The following ZRANB3 variants were observed in gnomAD, a reference collection of about 807,000 sequenced individuals.
The protein encoded by ZRANB3 is zinc finger RANBP2-type containing 3.
ZRANB3 carries 125 observed loss-of-function variants against 133.8 expected under a neutral mutation model. That is an observed-to-expected ratio of 0.93 (90% CI 0.81 to 1.08). The LOEUF (loss-of-function observed/expected upper bound fraction) is 1.08. Ranked by LOEUF, ZRANB3 falls within the 50% of genes least tolerant of loss-of-function variation. The probability of loss-of-function intolerance (pLI) is 0.00; values close to 1 mark genes in which losing one functional copy is unlikely to be tolerated. For synonymous variants in ZRANB3, 387 were observed against 432.7 expected (o/e 0.89, Z 1.31); for missense variants, 1,229 against 1,275.5 (o/e 0.96, Z 0.56).
chr2:135,402,297 T>C (rs965550736), intron 2 of ZRANB3, among the ~76,000 whole-genome samples: 20 of 87,758 alleles, frequency 2.3e-4, no homozygotes, highest in South Asian at 9.3e-4. Flanking sequence ...CTTTCTCTCT[T>C]TTTTTTTTTT....
chr2:135,460,762 T>C (rs1278668312), intron 2 of ZRANB3, among the ~76,000 whole-genome samples: 1 of 152,214 alleles, frequency 6.6e-6, no homozygotes, highest in Middle Eastern at 3.2e-3. Context: ...AAATTATGCT[T>C]CTTGCCCCAA....
Position 135,296,915 on chromosome 2 carries a change from G to T in ZRANB3, c.966+16574C>A, listed in dbSNP as rs570710595. 2.2e-4 allele frequency among the ~76,000 whole-genome samples: 33 copies of T among 152,316 alleles called. No homozygotes were observed. In the South Asian group the frequency reaches 5.8e-3, roughly 27 times the overall value. ...CAGATATTGGTGAACCGCAAATGCT[G>T]CTGCCTGATCGTTCCTCTGGAAGTT... On this transcript the variant is annotated intron_variant, in intron 8 of 20. Coordinates refer to ENST00000264159, the MANE Select transcript of ZRANB3 (RefSeq NM_032143.4).
At chr2:135,296,358 A>C (rs943886995) in intron 8 of ZRANB3, among the ~76,000 whole-genome samples, 1 of 152,250 alleles carries the variant, frequency 6.6e-6, no homozygotes, top group East Asian at 1.9e-4. Flanking sequence ...ACTTTCTTCC[A>C]ATTGATCGCA....
Position 135,265,640 on chromosome 2 carries a change from T to C in ZRANB3, c.1433A>G (p.Gln478Arg), listed in dbSNP as rs200334482. The C allele has an allele frequency of 1.4e-5, 23 of 1,613,674 alleles. No homozygotes were observed. In the Admixed American group the frequency reaches 2.2e-4, roughly 15 times the overall value. The change falls in exon 12 of 21, where the codon CAG becomes CGG. Residue 478 changes from glutamine (Q) to arginine (R), a missense_variant. Physicochemically the swap from Gln to Arg is conservative, Grantham distance 43. Coordinates refer to ENST00000264159, the MANE Select transcript of ZRANB3 (RefSeq NM_032143.4). ...STLNGRKEKI[Q>R]AEEGDKEKWD... ...TTTTTCCTTATCACCTTCCTCAGCC[T>C]GAATTTTTTCTTTCCTACCGTTCAG...
intron 3 of ZRANB3, among the ~76,000 whole-genome samples, chr2:135,365,719 C>T (rs183653992): frequency 1.1e-3 from 168 of 152,140 alleles, no homozygotes; most frequent in East Asian, 2.1e-3. Flanking sequence ...CCATTAAGGA[C>T]CATAGATAAG....
At chr2:135,216,102 C>A (rs187693956) in intron 17 of ZRANB3, among the ~76,000 whole-genome samples, 2 of 148,046 alleles carry the variant, frequency 1.4e-5, no homozygotes, top group Non-Finnish European at 3.0e-5. Context: ...TTTTTTTTTA[C>A]AATTTATATT....
intron 12 of ZRANB3, among the ~76,000 whole-genome samples, chr2:135,244,863 TA>T (rs1264618183): frequency 6.6e-6 from 1 of 152,182 alleles, no homozygotes; most frequent in African/African-American, 2.4e-5. Flanking sequence ...TGACTGACAG[TA>T]ATGAGAAACT....
intron 2 of ZRANB3, among the ~76,000 whole-genome samples, chr2:135,419,753 G>T (rs1405616554): frequency 2.0e-5 from 3 of 151,194 alleles, no homozygotes; most frequent in Non-Finnish European, 4.4e-5. Flanking sequence ...TGCAGAGCAG[G>T]GCTACCCCAT....
intron 12 of ZRANB3, among the ~76,000 whole-genome samples, chr2:135,260,516 T>C (rs1378478850): frequency 6.6e-6 from 1 of 151,616 alleles, no homozygotes; most frequent in South Asian, 2.1e-4. Context: ...TTGTGACTCA[T>C]ACATTTGTGT....
At chr2:135,366,964 T>C (rs554115388) in intron 3 of ZRANB3, among the ~76,000 whole-genome samples, 29 of 152,114 alleles carry the variant, frequency 1.9e-4, no homozygotes, top group Non-Finnish European at 3.2e-4. Context: ...GAGCTTGCAG[T>C]GAGCAGAGAT....
intron 2 of ZRANB3, among the ~76,000 whole-genome samples, chr2:135,478,471 C>T (rs1312771599): frequency 6.6e-6 from 1 of 152,124 alleles, no homozygotes; most frequent in African/African-American, 2.4e-5. Context: ...TGACACTGAA[C>T]ACCATAGATT....
intron 3 of ZRANB3, among the ~76,000 whole-genome samples, chr2:135,357,773 A>G (rs1166734540): frequency 6.7e-6 from 1 of 149,760 alleles, no homozygotes. Flanking sequence ...TGTGGGCTCT[A>G]TTTCCTTTTC....
intron 2 of ZRANB3, among the ~76,000 whole-genome samples, chr2:135,457,112 T>C (rs984421927): frequency 6.6e-6 from 1 of 152,220 alleles, no homozygotes; most frequent in Non-Finnish European, 1.5e-5. Context: ...TAACTCAGCA[T>C]GATGTTTTCA....
At chr2:135,462,124 A>G (rs529075416) in intron 2 of ZRANB3, among the ~76,000 whole-genome samples, 1 of 152,204 alleles carries the variant, frequency 6.6e-6, no homozygotes, top group Non-Finnish European at 1.5e-5. Flanking sequence ...AGTTTCAGAT[A>G]TACACATTCA....
chr2:135,220,697 CAAAAAAA>C (rs1222053120), intron 15 of ZRANB3, among the ~76,000 whole-genome samples: 1 of 54,892 alleles, frequency 1.8e-5, no homozygotes, highest in African/African-American at 5.8e-5. Flanking sequence ...GACTCCATCT[CAAAAAAA>C]AAAAAAAAAA....
intron 2 of ZRANB3, among the ~76,000 whole-genome samples, chr2:135,435,803 G>T (rs1159514510): frequency 6.6e-6 from 1 of 152,120 alleles, no homozygotes; most frequent in Non-Finnish European, 1.5e-5. Flanking sequence ...AGAAGTGTCT[G>T]TTCATGTCCT....
At chr2:135,229,844 C>A (rs1221184082) in intron 13 of ZRANB3, among the ~76,000 whole-genome samples, 1 of 152,092 alleles carries the variant, frequency 6.6e-6, no homozygotes, top group African/African-American at 2.4e-5. Context: ...CTTACGACAA[C>A]CACGGGTATT....
intron 2 of ZRANB3, among the ~76,000 whole-genome samples, chr2:135,428,001 T>C (rs1003872323): frequency 1.3e-5 from 2 of 152,210 alleles, no homozygotes; most frequent in Admixed American, 6.5e-5. Context: ...GCTAGCCATA[T>C]GTAGAAGATT....
In ZRANB3 at chr2:135,345,556, T is replaced by C. The variant is rs1227957304; in HGVS notation, c.671A>G (p.His224Arg). The C allele has an allele frequency of 3.1e-6, 5 of 1,608,390 alleles. No homozygotes were observed. In the Admixed American group the frequency reaches 6.8e-5, roughly 22 times the overall value. Reference sequence around the variant, plus strand: ...GGAAAATAGTTTAACTTACCTGATGTGTGCATTACAGTATCTTTTTGCATA... The same window carrying C: ...GGAAAATAGTTTAACTTACCTGATGCGTGCATTACAGTATCTTTTTGCATA... ...TDYAKRYCNA[H>R]IRYFGKRPQW... Residue 224 changes from histidine (H) to arginine (R), a missense_variant, in exon 6 of 21, where the codon CAC becomes CGC. By Grantham distance (29) the His-to-Arg change is conservative (BLOSUM62 0). Transcript: ENST00000264159.
Sources: allele counts gnomAD v4.1 joint callset (sites outside exome capture counted in the v4.1 genomes callset), GRCh38; gene constraint gnomAD v4.1.1; transcripts MANE v1.5; gene names NCBI Gene and HGNC (gene_info 2026-07-23, HGNC 2026-07-21).